The following FRY variants were observed in gnomAD, a reference collection of about 807,000 sequenced individuals.
FRY encodes protein furry homolog.
FRY carries 128 observed loss-of-function variants against 348.4 expected under a neutral mutation model. The ratio of observed to expected loss-of-function variants is 0.37; its 90% CI spans 0.32 to 0.43. The LOEUF (loss-of-function observed/expected upper bound fraction) is 0.43, where lower values mean the gene tolerates loss of function less well. FRY is among the 20% of genes least tolerant of loss of function. The pLI is 1.00. For synonymous variants in FRY, 1,370 were observed against 1,374.7 expected (o/e 1.00, Z 0.08); for missense variants, 2,736 against 3,695.2 (o/e 0.74, Z 6.73).
chr13:32,208,989 G>C lies in FRY; in HGVS notation c.4155G>C (p.Glu1385Asp). The C allele has an allele frequency of 6.2e-7, 1 of 1,614,192 alleles. No homozygotes were observed. Among genetic ancestry groups the C allele is most frequent in the Non-Finnish European group, 8.5e-7 (1 of 1,180,036 alleles). ...LLPGSSPSSP[E>D]DEVKDREGDV... Reference sequence around the variant, plus strand: ...CGGGGTCGAGCCCCAGCAGCCCAGAGGACGAAGTCAAGGACCGGGAAGGTG... The same window carrying C: ...CGGGGTCGAGCCCCAGCAGCCCAGACGACGAAGTCAAGGACCGGGAAGGTG... Residue 1385 changes from glutamate to aspartate, a missense_variant, in exon 32 of 61, where the codon GAG (glutamate) becomes GAC (aspartate). Coordinates refer to ENST00000542859, the MANE Select transcript of FRY (RefSeq NM_023037.3).
At chr13:32,102,146 C>T (rs1877205060) in intron 3 of FRY, 130 bp downstream of exon 3, 2 of 676,214 alleles carry the variant, frequency 3.0e-6, no homozygotes, top group African/African-American at 1.8e-5. Flanking sequence ...GTCTTAAGAA[C>T]TGTACCCTGC....
Position 32,210,856 on chromosome 13 carries a change from T to C in FRY, c.4423-10T>C. The C allele has an allele frequency of 1.2e-6, 2 of 1,613,078 alleles. No homozygotes were observed. The highest frequency in any genetic ancestry group is 2.2e-5 in the South Asian group (2 of 91,052). ...GTGAAACATCCCTTGTTTTCTTTTT[T>C]CCTTCTCAGATTAAAAAAGTGGCAA... is the stretch of plus-strand genomic sequence containing the variant. On this transcript the variant is annotated splice_polypyrimidine_tract_variant and intron_variant, in intron 33 of 60. Coordinates refer to ENST00000542859, the MANE Select transcript of FRY (RefSeq NM_023037.3).
chr13:32,249,046 G>C (rs1886942702), intron 48 of FRY, among the ~76,000 whole-genome samples: 1 of 152,216 alleles, frequency 6.6e-6, no homozygotes, highest in South Asian at 2.1e-4. Flanking sequence ...AATTTCTCAA[G>C]TGCTGCCCAA....
At chr13:32,257,823 T>C (rs1188627447) in intron 51 of FRY, 4 of 671,698 alleles carry the variant, frequency 6.0e-6, no homozygotes, top group South Asian at 3.6e-5. Context: ...TCTTTTAAGG[T>C]GCACCTACTG....
At chr13:32,123,113 G>T (rs1878780546) in intron 4 of FRY, among the ~76,000 whole-genome samples, 1 of 152,102 alleles carries the variant, frequency 6.6e-6, no homozygotes, top group Admixed American at 6.5e-5. Flanking sequence ...TGACCACACT[G>T]CCAAAAGCAA....
At chr13:32,099,639 C>A (rs1159848041) in intron 2 of FRY, among the ~76,000 whole-genome samples, 1 of 151,984 alleles carries the variant, frequency 6.6e-6, no homozygotes, top group East Asian at 1.9e-4. Flanking sequence ...ATAGATACTT[C>A]AAATCCTTCT....
intron 2 of FRY, among the ~76,000 whole-genome samples, chr13:32,090,988 G>T (rs1351864987): frequency 1.3e-5 from 2 of 152,164 alleles, no homozygotes; most frequent in South Asian, 4.1e-4. Context: ...TCATAGCATA[G>T]GGTACTGGGC....
chr13:32,055,086 G>A lies in FRY; in HGVS notation c.70+23221G>A, dbSNP rs575497221. On this transcript the variant is annotated intron_variant, in intron 1 of 60. Coordinates refer to ENST00000542859, the MANE Select transcript of FRY (RefSeq NM_023037.3). ...TTATTTAGAGACAGGGTCTTGTGTC[G>A]CCCAGGCTGGAGTGCAGTGGTGTGA... Among the ~76,000 whole-genome samples, 10 of 151,986 alleles carry A rather than the reference G, an allele frequency of 6.6e-5. No homozygotes were observed. The East Asian group carries it at 7.8e-4, about 12-fold the overall frequency.
chr13:32,286,747 CAAAAAAAAAAAAAAAAA>C (rs6144991), intron 58 of FRY, among the ~76,000 whole-genome samples: 50 of 77,506 alleles, frequency 6.5e-4, no homozygotes, highest in East Asian at 2.1e-3. Context: ...GACTCTGTCT[CAAAAAAAAAAAAAAAAA>C]AAAAAAAAAA....
At chr13:32,136,133 G>T (rs746190687) in intron 10 of FRY, among the ~76,000 whole-genome samples, 1 of 151,998 alleles carries the variant, frequency 6.6e-6, no homozygotes, top group Non-Finnish European at 1.5e-5. Context: ...TTTATTTCAT[G>T]GCCCTTGATT....
intron 47 of FRY, among the ~76,000 whole-genome samples, chr13:32,245,939 C>T (rs1886770945): frequency 6.6e-6 from 1 of 152,210 alleles, no homozygotes; most frequent in Admixed American, 6.5e-5. Context: ...CTTTACTTCA[C>T]CAAATTACTT....
At chr13:32,130,225 G>C (rs1879266418) in intron 7 of FRY, among the ~76,000 whole-genome samples, 1 of 151,884 alleles carries the variant, frequency 6.6e-6, no homozygotes, top group African/African-American at 2.4e-5. Flanking sequence ...GTTTTTGGTA[G>C]AGACCGGGTT....
intron 15 of FRY, 126 bp from the exon 16 acceptor site, chr13:32,157,147 G>T: frequency 1.2e-6 from 1 of 811,724 alleles, no homozygotes; most frequent in Non-Finnish European, 2.1e-6. Flanking sequence ...GAATCAGACA[G>T]CCCTTTTGCT....
chr13:32,059,569 G>C (rs546764657), intron 1 of FRY, among the ~76,000 whole-genome samples: 9 of 151,546 alleles, frequency 5.9e-5, no homozygotes, highest in African/African-American at 2.2e-4. Context: ...AGATTTAGGG[G>C]TGCACGTGCC....
chr13:32,042,476 C>T (rs1162882140), intron 1 of FRY, among the ~76,000 whole-genome samples: 1 of 120,858 alleles, frequency 8.3e-6, no homozygotes, highest in Non-Finnish European at 1.7e-5. Flanking sequence ...TGTTAATTAG[C>T]TTGCCCAACC....
At chr13:32,111,245 T>C (rs984538718) in intron 3 of FRY, among the ~76,000 whole-genome samples, 1 of 152,076 alleles carries the variant, frequency 6.6e-6, no homozygotes, top group African/African-American at 2.4e-5. Context: ...CCCAGCACTT[T>C]AGGAGGCTGA....
At chr13:32,248,360 C>T (rs948394673) in intron 48 of FRY, among the ~76,000 whole-genome samples, 5 of 152,064 alleles carry the variant, frequency 3.3e-5, no homozygotes, top group Non-Finnish European at 7.4e-5. Context: ...GGGAGGGGAA[C>T]ATCACACACC....
chr13:32,152,544 C>T (rs980933402), intron 14 of FRY, among the ~76,000 whole-genome samples: 1 of 152,048 alleles, frequency 6.6e-6, no homozygotes, highest in African/African-American at 2.4e-5. Context: ...GATAATGTTT[C>T]CAATAAATGG....
intron 4 of FRY, among the ~76,000 whole-genome samples, chr13:32,123,941 T>C (rs1164118094): frequency 2.0e-5 from 3 of 152,134 alleles, no homozygotes; most frequent in Admixed American, 2.0e-4. Flanking sequence ...TTCAGACGAT[T>C]CTCCTGCTTC....
Sources: gnomAD v4.1 joint callset for allele counts (sites outside exome capture counted in the v4.1 genomes callset) on GRCh38, gnomAD v4.1.1 for gene constraint, MANE v1.5 for transcripts, NCBI Gene and HGNC (gene_info 2026-07-23, HGNC 2026-07-21) for gene names.